The following PUM2 variants were observed in gnomAD, a reference collection of about 807,000 sequenced individuals.
PUM2 encodes pumilio homolog 2.
Under a neutral mutation model 124.5 loss-of-function variants are expected in PUM2, and 57 were observed. The observed-to-expected ratio is 0.46, with a 90% CI of 0.37 to 0.57. The LOEUF is 0.57. Ranked by LOEUF, PUM2 falls within the 20% of genes least tolerant of loss-of-function variation. The pLI is 0.00. For missense variants in PUM2, 1,065 were observed against 1,290.6 expected, an observed-to-expected ratio of 0.83 and a Z score of 2.68; for synonymous variants, 460 against 446.1, an observed-to-expected ratio of 1.03 and a Z score of -0.39.
chr2:20,263,435 T>C lies in PUM2; in HGVS notation c.1983A>G (p.Arg661=), dbSNP rs1666778532. ...HLGGLTNGSG[R]YISAAPGAEA... is the part of the protein sequence containing the mutation. ...CTGCTCCAGGTGCTGCAGAGATATA[T>C]CGACCACTACCATTTGTCAGTCCTC... Residue 661 remains arginine, a synonymous_variant, in exon 14 of 21, where the codon CGA becomes CGG. Transcript: ENST00000361078. The C allele has an allele frequency of 6.2e-7, 1 of 1,613,222 alleles. No individual in the cohort carries two copies. The highest frequency in any genetic ancestry group is 8.5e-7 in the Non-Finnish European group (1 of 1,179,276).
chr2:20,308,148 T>A, intron 6 of PUM2, 77 bp from the exon 7 acceptor site: 1 of 1,527,386 alleles, frequency 6.5e-7, no homozygotes, highest in Non-Finnish European at 8.9e-7. Flanking sequence ...ATAAAACATT[T>A]TAAACATTTT....
At chr2:20,344,042 T>C (rs1687740519) in intron 1 of PUM2, among the ~76,000 whole-genome samples, 1 of 149,622 alleles carries the variant, frequency 6.7e-6, no homozygotes, top group East Asian at 1.9e-4. Flanking sequence ...CAAGGTTTCA[T>C]AGTATCATTT....
intron 9 of PUM2, among the ~76,000 whole-genome samples, chr2:20,292,170 C>T (rs1415946102): frequency 6.6e-6 from 1 of 151,634 alleles, no homozygotes; most frequent in Non-Finnish European, 1.5e-5. Context: ...TGCCCTGCAA[C>T]TTGCCCGGGA....
At position 20,340,229 on chromosome 2, in the gene PUM2, T is replaced by C. The variant is rs191246960; in HGVS notation, c.-19+10368A>G. Among the ~76,000 whole-genome samples, 58 of 152,344 alleles carry C rather than the reference T, an allele frequency of 3.8e-4. No individual in the cohort carries two copies. The East Asian group carries it at 8.7e-3, about 23-fold the overall frequency. ...TTGATATGAATACAGAAAATACCAA[T>C]GGAGGTGAAAATATGCCAGTTCTAT... On this transcript the variant is annotated intron_variant, in intron 1 of 20. Coordinates refer to ENST00000361078, the MANE Select transcript of PUM2 (RefSeq NM_015317.5).
intron 7 of PUM2, among the ~76,000 whole-genome samples, 182 bp from the exon 8 acceptor site, chr2:20,297,860 T>C (rs1171995137): frequency 5.9e-5 from 9 of 152,332 alleles, no homozygotes; most frequent in African/African-American, 2.2e-4. Context: ...TTAGTTTTCA[T>C]TTAAGAAACA....
intron 2 of PUM2, among the ~76,000 whole-genome samples, chr2:20,321,574 T>C (rs1396902315): frequency 6.6e-6 from 1 of 151,838 alleles, no homozygotes; most frequent in African/African-American, 2.4e-5. Context: ...TGACTAATAA[T>C]AGGTTAAAGT....
intron 13 of PUM2, among the ~76,000 whole-genome samples, chr2:20,278,212 T>C (rs1011229198): frequency 3.3e-5 from 5 of 152,192 alleles, no homozygotes; most frequent in Admixed American, 6.6e-5. Flanking sequence ...AGTAGCTATG[T>C]AACTAATGTT....
In PUM2 at chr2:20,251,413, C is replaced by T; in HGVS notation, c.*172G>A. ...TAATTTATAATTCATCCCCCACCCC[C>T]CAAATATACACAAGAACCTTAAAAA... On this transcript the variant is annotated 3_prime_UTR_variant, in exon 21 of 21. Coordinates refer to ENST00000361078, the MANE Select transcript of PUM2 (RefSeq NM_015317.5). 1.3e-6 allele frequency: 1 copy of T among 761,984 alleles called. No individual in the cohort carries two copies. Among genetic ancestry groups the T allele is most frequent in the African/African-American group, 1.8e-5 (1 of 56,404 alleles). 47.2% of individuals were successfully genotyped at this position (761,984 alleles called of 1,614,324 possible).
rs1201381990 is a variant in PUM2 at position 20,277,020 on chromosome 2, TAG to T, written c.1957+1561_1957+1562del. On this transcript the variant is annotated intron_variant, in intron 13 of 20. Transcript: ENST00000361078. ...ACATATCTAGATTGCTGTTCAATCATAGAGACATCTAAAAAGTCATTTATATC... is the reference window on the plus strand; with the variant it reads ...ACATATCTAGATTGCTGTTCAATCATAGACATCTAAAAAGTCATTTATATC... 3.3e-5 allele frequency among the ~76,000 whole-genome samples: 5 copies of T among 152,168 alleles called. No individual in the cohort carries two copies. The East Asian group carries it at 9.7e-4, about 29-fold the overall frequency.
intron 8 of PUM2, among the ~76,000 whole-genome samples, chr2:20,296,040 T>G (rs925131313): frequency 6.6e-6 from 1 of 152,208 alleles, no homozygotes; most frequent in African/African-American, 2.4e-5. Flanking sequence ...CTTTACATAG[T>G]AACATCCAGT....
chr2:20,287,599 T>A (rs1258339394), intron 10 of PUM2, among the ~76,000 whole-genome samples: 3 of 152,140 alleles, frequency 2.0e-5, no homozygotes, highest in Non-Finnish European at 4.4e-5. Flanking sequence ...AGCACAGGAC[T>A]ATGAAGGAAG....
At position 20,340,817 on chromosome 2, in the gene PUM2, C is replaced by A. The variant is rs1024187948; in HGVS notation, c.-19+9780G>T. On this transcript the variant is annotated intron_variant, in intron 1 of 20. Transcript: ENST00000361078. ...TGTAACAGAAATCAGAATCAAAAGA[C>A]CAAGAATACAGTTCCAGGTTGGCCA... is the stretch of plus-strand genomic sequence containing the variant. Among the ~76,000 whole-genome samples the A allele has an allele frequency of 4.6e-5, 7 of 152,206 alleles. No individual in the cohort carries two copies. The East Asian group carries it at 7.7e-4, about 17-fold the overall frequency.
intron 1 of PUM2, 88 bp downstream of exon 1, chr2:20,350,509 C>G: frequency 1.0e-6 from 1 of 985,676 alleles, no homozygotes; most frequent in South Asian, 4.7e-5. Context: ...TGGCGATCGG[C>G]TCCCGCCGAG....
At chr2:20,271,417 G>A (rs1156416538) in intron 13 of PUM2, among the ~76,000 whole-genome samples, 2 of 152,052 alleles carry the variant, frequency 1.3e-5, no homozygotes, top group Admixed American at 6.6e-5. Flanking sequence ...GGGTTCAAGC[G>A]ATTCTCCCAC....
At chr2:20,252,979 G>A (rs934426649) in intron 20 of PUM2, among the ~76,000 whole-genome samples, 5 of 152,152 alleles carry the variant, frequency 3.3e-5, no homozygotes, top group Admixed American at 6.5e-5. Context: ...ATCTTGAGAT[G>A]AGTATATGGG....
chr2:20,282,810 T>G lies in PUM2; in HGVS notation c.1720+137A>C. On this transcript the variant is annotated intron_variant, in intron 12 of 20. Coordinates refer to ENST00000361078, the MANE Select transcript of PUM2 (RefSeq NM_015317.5). ...AAAGATTTGCAGGATTTTTTTTTCC[T>G]ACAAATTAAACCAGTAGTCCAATAC... The G allele has an allele frequency of 1.1e-5, 11 of 1,032,236 alleles. No individual in the cohort carries two copies. In the South Asian group the frequency reaches 1.9e-4, roughly 18 times the overall value. The allele number at this position is 1,032,236 out of a possible 1,614,324, so 63.9% of individuals were successfully genotyped here. A position where few individuals can be genotyped will look rare whatever the true frequency, so the allele number is the denominator to read the frequency against.
At chr2:20,271,609 T>C (rs1433313851) in intron 13 of PUM2, among the ~76,000 whole-genome samples, 3 of 152,156 alleles carry the variant, frequency 2.0e-5, no homozygotes, top group Non-Finnish European at 4.4e-5. Flanking sequence ...CCACTGTACA[T>C]GATCAGTTTT....
At chr2:20,291,992 A>C (rs921726535) in intron 9 of PUM2, among the ~76,000 whole-genome samples, 3 of 151,266 alleles carry the variant, frequency 2.0e-5, no homozygotes, top group Non-Finnish European at 4.4e-5. Flanking sequence ...AAAGTCCTTT[A>C]GTTGGTGTGT....
At chr2:20,344,048 CATTTTACTTTATTTT>C (rs923454785) in intron 1 of PUM2, among the ~76,000 whole-genome samples, 6 of 143,374 alleles carry the variant, frequency 4.2e-5, no homozygotes, top group African/African-American at 5.2e-5. Context: ...TTCATAGTAT[CATTTTACTTTATTTT>C]ATTTTACTTT....
Sources: allele counts gnomAD v4.1 joint callset (sites outside exome capture counted in the v4.1 genomes callset), GRCh38; gene constraint gnomAD v4.1.1; transcripts MANE v1.5; gene names NCBI Gene and HGNC (gene_info 2026-07-23, HGNC 2026-07-21).